P2RX3: variants seen among roughly 807,000 people sequenced by gnomAD.
The protein encoded by P2RX3 is purinergic receptor P2X 3, also known as P2X purinoceptor 3.
In P2RX3, 41 loss-of-function variants were observed where a neutral mutation model predicts 51.5. The observed-to-expected ratio is 0.80, with a 90% CI of 0.62 to 1.03. The LOEUF (loss-of-function observed/expected upper bound fraction) is 1.03. P2RX3 is among the 50% of genes least tolerant of loss of function. The pLI, the probability that P2RX3 is intolerant of heterozygous loss-of-function variation, is 0.00. For missense variants in P2RX3, 459 were observed against 522.1 expected (o/e 0.88, Z 1.18); for synonymous variants, 185 against 191.6 (o/e 0.97, Z 0.29).
At chr11:57,338,335 TCCCC>T, upstream of P2RX3, 1 of 392,466 alleles carries the variant, frequency 2.5e-6, no homozygotes, top group East Asian at 3.7e-5. Flanking sequence ...AAAAAGGGGG[TCCCC>T]CGCCCTGGTC....
intron 8 of P2RX3, 151 bp from the exon 9 acceptor site, chr11:57,367,858 A>C (rs1856819671): frequency 1.6e-6 from 1 of 633,348 alleles, no homozygotes; most frequent in African/African-American, 1.8e-5. Context: ...GGGTCAGCTA[A>C]CCACACAGGG....
chr11:57,368,686 G>A (rs1453645074), intron 10 of P2RX3, among the ~76,000 whole-genome samples: 2 of 152,210 alleles, frequency 1.3e-5, no homozygotes, highest in African/African-American at 4.8e-5. Context: ...GACTCCACCT[G>A]TTATAGAGTT....
At chr11:57,345,896 G>T (rs1330332910) in intron 1 of P2RX3, among the ~76,000 whole-genome samples, 1 of 138,350 alleles carries the variant, frequency 7.2e-6, no homozygotes, top group Non-Finnish European at 1.5e-5. Context: ...CTTCAACCGA[G>T]CTCCTTTACC....
intron 1 of P2RX3, among the ~76,000 whole-genome samples, chr11:57,345,626 G>A (rs932830686): frequency 2.0e-5 from 3 of 152,156 alleles, no homozygotes; most frequent in African/African-American, 7.2e-5. Flanking sequence ...TGTGATTGGC[G>A]ATTTCAAATG....
chr11:57,362,816 A>G (rs1487498127), intron 8 of P2RX3, among the ~76,000 whole-genome samples: 1 of 152,138 alleles, frequency 6.6e-6, no homozygotes, highest in African/African-American at 2.4e-5. Context: ...TGAGCATTAA[A>G]TGAGCTAATA....
At chr11:57,339,417 C>CCTCT (rs555806291) in intron 1 of P2RX3, among the ~76,000 whole-genome samples, 161 of 152,284 alleles carry the variant, frequency 1.1e-3, no homozygotes, top group African/African-American at 3.7e-3. Flanking sequence ...AAGTTCCCTA[C>CCTCT]CTCTCCCTGA....
At chr11:57,337,520 G>A (rs1425888922), upstream of P2RX3, among the ~76,000 whole-genome samples, 1 of 151,982 alleles carries the variant, frequency 6.6e-6, no homozygotes, top group Non-Finnish European at 1.5e-5. Context: ...TCCTTTGCAG[G>A]GACATGGATG....
At chr11:57,342,153 T>G (rs1045790505) in intron 1 of P2RX3, among the ~76,000 whole-genome samples, 1 of 120,850 alleles carries the variant, frequency 8.3e-6, no homozygotes, top group East Asian at 2.3e-4. Context: ...CCCATCTTTT[T>G]TTTTTTTTTT....
chr11:57,355,796 A>G (rs1254080973), intron 8 of P2RX3, among the ~76,000 whole-genome samples: 2 of 152,152 alleles, frequency 1.3e-5, no homozygotes, highest in African/African-American at 4.8e-5. Flanking sequence ...CGGTTTAATG[A>G]GTTTCTTTCC....
intron 8 of P2RX3, among the ~76,000 whole-genome samples, chr11:57,353,551 C>A (rs1856580403): frequency 6.6e-6 from 1 of 152,170 alleles, no homozygotes; most frequent in South Asian, 2.1e-4. Flanking sequence ...ACTTTCATCC[C>A]AGCTTAAAAA....
At chr11:57,348,378 T>C in intron 5 of P2RX3, 115 bp downstream of exon 5, 3 of 1,045,696 alleles carry the variant, frequency 2.9e-6, no homozygotes, top group Non-Finnish European at 4.1e-6. Context: ...TCCAGTGTTG[T>C]CCCTTCCTGG....
intron 8 of P2RX3, 97 bp downstream of exon 8, chr11:57,350,995 C>A (rs1485360046): frequency 6.5e-7 from 1 of 1,547,060 alleles, no homozygotes; most frequent in South Asian, 1.2e-5. Context: ...ATCCACCCAC[C>A]CCTGGCCCCA....
At chr11:57,339,105 G>GGAAGC (rs1856291263) in intron 1 of P2RX3, among the ~76,000 whole-genome samples, 1 of 152,206 alleles carries the variant, frequency 6.6e-6, no homozygotes, top group Admixed American at 6.5e-5. Context: ...GGAAGGGAAG[G>GGAAGC]CACTGAGACA....
intron 9 of P2RX3, 66 bp downstream of exon 9, chr11:57,368,168 G>A: frequency 6.5e-7 from 1 of 1,527,794 alleles, no homozygotes; most frequent in Non-Finnish European, 9.1e-7. Context: ...CTCGGGTTCT[G>A]AAAAAGCTCC....
intron 8 of P2RX3, among the ~76,000 whole-genome samples, chr11:57,359,497 G>C (rs117744514): frequency 6.6e-6 from 1 of 152,160 alleles, no homozygotes; most frequent in African/African-American, 2.4e-5. Flanking sequence ...AGGAGCCCCC[G>C]ACCCTGAAAA....
At chr11:57,336,057 A>G (rs1357564794), upstream of P2RX3, among the ~76,000 whole-genome samples, 1 of 152,132 alleles carries the variant, frequency 6.6e-6, no homozygotes, top group Non-Finnish European at 1.5e-5. Context: ...GAAACTACAG[A>G]CACTTCTTCA....
rs1013446325 is a variant in P2RX3 at position 57,346,437 on chromosome 11, C to G, written c.120-107C>G. On this transcript the variant is annotated intron_variant, in intron 1 of 11. Coordinates refer to ENST00000263314, the MANE Select transcript of P2RX3 (RefSeq NM_002559.5). ...CCTCTGGAAGGAACCATCCGCACAC[C>G]CTGCCAGGCATGGCCAAGTGTTGGC... The G allele has an allele frequency of 2.9e-6, 4 of 1,401,998 alleles. 1 individual carries two copies. Among genetic ancestry groups the G allele is most frequent in the African/African-American group, 1.4e-5 (1 of 70,200 alleles). 86.8% of individuals were successfully genotyped at this position (1,401,998 alleles called of 1,614,324 possible). A position where few individuals can be genotyped will look rare whatever the true frequency, so the allele number is the denominator to read the frequency against.
At chr11:57,348,127 CA>C in intron 4 of P2RX3, 42 bp from the exon 5 acceptor site, 1 of 1,505,666 alleles carries the variant, frequency 6.6e-7, no homozygotes, top group Non-Finnish European at 9.0e-7. Context: ...GGGAGAGGAG[CA>C]AAGGGCAGGC....
chr11:57,341,442 G>A (rs975983413), intron 1 of P2RX3, among the ~76,000 whole-genome samples: 5 of 152,010 alleles, frequency 3.3e-5, no homozygotes, highest in Non-Finnish European at 4.4e-5. Context: ...TCTCACCCCC[G>A]CCCCTGGCCT....
Sources: gnomAD v4.1 joint callset for allele counts (sites outside exome capture counted in the v4.1 genomes callset) on GRCh38, gnomAD v4.1.1 for gene constraint, MANE v1.5 for transcripts, NCBI Gene and HGNC (gene_info 2026-07-23, HGNC 2026-07-21) for gene names.